UBA2: variants seen among roughly 807,000 people sequenced by gnomAD.
The protein encoded by UBA2 is ubiquitin like modifier activating enzyme 2, also known as SUMO-activating enzyme subunit 2.
UBA2 carries 11 observed loss-of-function variants against 77.2 expected under a neutral mutation model. The observed-to-expected ratio is 0.14, with a 90% CI of 0.09 to 0.24. The LOEUF is 0.24. UBA2 is among the 10% of genes least tolerant of loss of function. The pLI is 1.00. For synonymous variants in UBA2, 278 were observed against 276.7 expected, an observed-to-expected ratio of 1.00 and a Z score of -0.05; for missense variants, 487 against 781.7, an observed-to-expected ratio of 0.62 and a Z score of 4.50.
intron 7 of UBA2, among the ~76,000 whole-genome samples, chr19:34,444,601 GT>G (rs1468355787): frequency 6.6e-6 from 1 of 152,108 alleles, no homozygotes; most frequent in Non-Finnish European, 1.5e-5. Flanking sequence ...GAGGTCAGGA[GT>G]TTGAGACCAG....
chr19:34,467,204 A>AG lies in UBA2; in HGVS notation c.1741+190_1741+191insG, dbSNP rs1230593022. 1.2e-5 allele frequency: 8 copies of AG among 661,918 alleles called. No individual in the cohort carries two copies. In the African/African-American group the frequency reaches 1.3e-4, roughly 11 times the overall value. 41.0% of individuals were successfully genotyped at this position (661,918 alleles called of 1,614,324 possible). A position where few individuals can be genotyped will look rare whatever the true frequency, so the allele number is the denominator to read the frequency against. On this transcript the variant is annotated intron_variant, in intron 16 of 16. Coordinates refer to ENST00000246548, the MANE Select transcript of UBA2 (RefSeq NM_005499.3). ...CATTTAAGGCTGGGTGTGGTGGCTT[A>AG]CACCTGTAATCCCAGCACTTTGAGA...
At chr19:34,444,044 G>GTTTTTTTTTTTTTT (rs35028159) in intron 7 of UBA2, 133 bp downstream of exon 7, 99 of 175,790 alleles carry the variant, frequency 5.6e-4, no homozygotes, top group African/African-American at 1.2e-3. Context: ...TTTTTTTTTT[G>GTTTTTTTTTTTTTT]TTTTTTTTTT....
chr19:34,428,439 C>T lies in UBA2; in HGVS notation c.7C>T (p.Leu3=), dbSNP rs768662287. 2.9e-5 allele frequency: 37 copies of T among 1,270,954 alleles called. No homozygotes were observed. In the African/African-American group the frequency reaches 5.2e-4, roughly 18 times the overall value. The allele number at this position is 1,270,954 out of a possible 1,614,324, so 78.7% of individuals were successfully genotyped here. Residue 3 remains leucine (L), a synonymous_variant, in exon 1 of 17, where the codon CTG becomes TTG. Transcript: ENST00000246548. MA[L]SRGLPRELAE... is the part of the protein sequence containing the mutation. ...GGCTCGTGGTTGTCCCGCCATGGCA[C>T]TGTCGCGGGGGCTGCCCCGGGAGCT...
intron 8 of UBA2, among the ~76,000 whole-genome samples, chr19:34,445,674 G>C (rs112070726): frequency 9.2e-4 from 140 of 152,268 alleles, no homozygotes; most frequent in African/African-American, 2.7e-3. Context: ...CTGACTGCAA[G>C]TGATCTGCCC....
At chr19:34,456,858 G>A (rs922592558) in intron 12 of UBA2, among the ~76,000 whole-genome samples, 5 of 152,038 alleles carry the variant, frequency 3.3e-5, no homozygotes, top group African/African-American at 1.2e-4. Flanking sequence ...GTTCCTGGCC[G>A]ATACCCAGTT....
At chr19:34,437,345 T>TA (rs2075319754) in intron 5 of UBA2, among the ~76,000 whole-genome samples, 1 of 147,880 alleles carries the variant, frequency 6.8e-6, no homozygotes, top group Non-Finnish European at 1.5e-5. Flanking sequence ...CATGGTGGCT[T>TA]ACGCCTGTAA....
At chr19:34,466,786 C>A in intron 15 of UBA2, 92 bp from the exon 16 acceptor site, 2 of 1,108,836 alleles carry the variant, frequency 1.8e-6, no homozygotes, top group Non-Finnish European at 2.7e-6. Flanking sequence ...TTGGTGTATA[C>A]ATAGTGTATG....
intron 2 of UBA2, among the ~76,000 whole-genome samples, chr19:34,431,142 G>A (rs887074577): frequency 3.3e-5 from 5 of 150,978 alleles, no homozygotes; most frequent in Admixed American, 3.3e-4. Context: ...TTCATATTTT[G>A]GCTTCCTCCT....
chr19:34,430,761 C>T, intron 2 of UBA2, 102 bp downstream of exon 2: 1 of 823,542 alleles, frequency 1.2e-6, no homozygotes, highest in Non-Finnish European at 2.0e-6. Flanking sequence ...ATGGGTGAAG[C>T]TCTCATTTCA....
At position 34,452,078 on chromosome 19, in the gene UBA2, A is replaced by G. The variant is rs1377288818; in HGVS notation, c.969A>G (p.Ser323=). ...LDVKSYARLF[S]KSIETLRVHL... is the part of the protein sequence containing the mutation. ...TAAAGAGCTATGCACGTCTTTTTTC[A>G]AAGAGCATCGAGACTTTGAGAGTTC... Residue 323 remains serine (S), a synonymous_variant, in exon 10 of 17, where the codon TCA becomes TCG. Coordinates refer to ENST00000246548, the MANE Select transcript of UBA2 (RefSeq NM_005499.3). 1 of 1,610,940 alleles carries G rather than the reference A, an allele frequency of 6.2e-7. No homozygotes were observed. The highest frequency in any genetic ancestry group is 1.7e-5 in the Admixed American group (1 of 59,904).
At chr19:34,428,841 T>A in intron 1 of UBA2, 3 of 1,123,822 alleles carry the variant, frequency 2.7e-6, no homozygotes, top group Non-Finnish European at 3.3e-6. Context: ...TGTGTGGCGC[T>A]TCGTGGGCGT....
At chr19:34,460,313 AC>A (rs2075617106) in intron 13 of UBA2, among the ~76,000 whole-genome samples, 156 bp from the exon 14 acceptor site, 1 of 152,190 alleles carries the variant, frequency 6.6e-6, no homozygotes, top group Admixed American at 6.6e-5. Context: ...GTGAATCCCC[AC>A]GGCTTTCCTG....
intron 13 of UBA2, 48 bp downstream of exon 13, chr19:34,458,972 C>A: frequency 6.6e-7 from 1 of 1,520,636 alleles, no homozygotes. Flanking sequence ...TACAGTATTA[C>A]TGTGATGACA....
At chr19:34,464,743 G>T (rs932147956) in intron 15 of UBA2, among the ~76,000 whole-genome samples, 1 of 152,100 alleles carries the variant, frequency 6.6e-6, no homozygotes, top group African/African-American at 2.4e-5. Context: ...AGGTTCTCTA[G>T]AAAAAAATAT....
intron 6 of UBA2, among the ~76,000 whole-genome samples, chr19:34,441,386 C>T (rs1334156189): frequency 6.6e-6 from 1 of 151,680 alleles, no homozygotes. Flanking sequence ...ACCCGGGAGG[C>T]GGAGGTTGCA....
chr19:34,449,170 A>G (rs1230213425), intron 8 of UBA2, among the ~76,000 whole-genome samples: 1 of 148,004 alleles, frequency 6.8e-6, no homozygotes, highest in Non-Finnish European at 1.5e-5. Context: ...CCCAGGTTCA[A>G]GCGATTCTCC....
At chr19:34,441,379 C>T (rs1388265073) in intron 6 of UBA2, among the ~76,000 whole-genome samples, 3 of 151,842 alleles carry the variant, frequency 2.0e-5, no homozygotes, top group Admixed American at 6.6e-5. Flanking sequence ...GGCGTGAACC[C>T]GGGAGGCGGA....
chr19:34,438,635 G>A lies in UBA2; in HGVS notation c.460-10G>A, dbSNP rs756227723. ...ATGGAGTAAATTTTTCTCATATCCT[G>A]ACTTCATAGGGTGTGACCGAGTGTT... On this transcript the variant is annotated splice_polypyrimidine_tract_variant and intron_variant, in intron 5 of 16. Transcript: ENST00000246548. 2 of 1,612,614 alleles carry A rather than the reference G, an allele frequency of 1.2e-6. No homozygotes were observed. Among genetic ancestry groups the A allele is most frequent in the Admixed American group, 1.7e-5 (1 of 59,642 alleles).
At chr19:34,435,210 A>C (rs1469856009) in intron 5 of UBA2, among the ~76,000 whole-genome samples, 1 of 151,066 alleles carries the variant, frequency 6.6e-6, no homozygotes, top group African/African-American at 2.4e-5. Flanking sequence ...CCAGCCTGGC[A>C]AGCATGGTGA....
Sources: gnomAD v4.1 joint callset for allele counts (sites outside exome capture counted in the v4.1 genomes callset) on GRCh38, gnomAD v4.1.1 for gene constraint, MANE v1.5 for transcripts, NCBI Gene and HGNC (gene_info 2026-07-23, HGNC 2026-07-21) for gene names.